The following STK4 variants were observed in gnomAD, a reference collection of about 807,000 sequenced individuals.
The protein encoded by STK4 is serine/threonine-protein kinase 4.
A neutral mutation model predicts 64.9 loss-of-function variants in STK4; 30 were observed. The observed-to-expected ratio is 0.46, with a 90% CI of 0.35 to 0.63. The LOEUF (loss-of-function observed/expected upper bound fraction) is 0.63, where lower values mean the gene tolerates loss of function less well. STK4 is among the 20% of genes least tolerant of loss of function. The pLI is 0.01. For missense variants in STK4, 466 were observed against 598.5 expected, an observed-to-expected ratio of 0.78 and a Z score of 2.31; for synonymous variants, 177 against 199.0, an observed-to-expected ratio of 0.89 and a Z score of 0.93.
At chr20:45,016,802 A>G (rs999078024) in intron 9 of STK4, among the ~76,000 whole-genome samples, 12 of 152,226 alleles carry the variant, frequency 7.9e-5, no homozygotes, top group Non-Finnish European at 1.5e-4. Flanking sequence ...TTTTCAAGAG[A>G]GGGCAGTAGC....
At chr20:45,069,958 A>C (rs1365771663) in intron 10 of STK4, among the ~76,000 whole-genome samples, 1 of 152,214 alleles carries the variant, frequency 6.6e-6, no homozygotes, top group Non-Finnish European at 1.5e-5. Flanking sequence ...CAGTCTTTCT[A>C]GATAAGATGG....
chr20:45,037,874 G>A (rs2068552158), intron 10 of STK4, among the ~76,000 whole-genome samples: 1 of 152,128 alleles, frequency 6.6e-6, no homozygotes, highest in Non-Finnish European at 1.5e-5. Flanking sequence ...TGGGAGGCAA[G>A]AATTATTACT....
intron 1 of STK4, among the ~76,000 whole-genome samples, chr20:44,969,211 G>A (rs2067204386): frequency 6.6e-6 from 1 of 152,186 alleles, no homozygotes; most frequent in South Asian, 2.1e-4. Context: ...ATGAATTGGG[G>A]TAAGCTGGGG....
chr20:45,077,397 CTTTCT>C lies in STK4; in HGVS notation c.*2225_*2229del, dbSNP rs1568780581. On this transcript the variant is annotated 3_prime_UTR_variant, in exon 11 of 11. Coordinates refer to ENST00000372806, the MANE Select transcript of STK4 (RefSeq NM_006282.5). ...AATTAATAGTTCTGTCTCTCTCTCT[CTTTCT>C]TTTTTCTTTTTATTCTTTGAGATGG... 1 of 151,972 alleles carries C rather than the reference CTTTCT, an allele frequency of 6.6e-6. No homozygotes were observed. The highest frequency in any genetic ancestry group is 2.4e-5 in the African/African-American group (1 of 41,390). The allele number at this position is 151,972 out of a possible 1,614,324, so 9.4% of individuals were successfully genotyped here.
At chr20:45,042,369 C>T (rs1234918919) in intron 10 of STK4, among the ~76,000 whole-genome samples, 1 of 152,040 alleles carries the variant, frequency 6.6e-6, no homozygotes, top group African/African-American at 2.4e-5. Context: ...GCAAGTTTTC[C>T]CACTCCATCC....
At chr20:44,972,216 A>G in intron 2 of STK4, 58 bp downstream of exon 2, 1 of 1,452,322 alleles carries the variant, frequency 6.9e-7, no homozygotes, top group Non-Finnish European at 9.6e-7. Context: ...CCTGCCCCAG[A>G]AGAAGCAGAA....
chr20:45,034,804 C>T (rs1387745976), intron 10 of STK4, among the ~76,000 whole-genome samples: 1 of 152,014 alleles, frequency 6.6e-6, no homozygotes, highest in Admixed American at 6.6e-5. Flanking sequence ...ATAATCTCAG[C>T]TACTTGAGAG....
chr20:45,022,060 T>G (rs2068257422), intron 9 of STK4, among the ~76,000 whole-genome samples: 1 of 152,164 alleles, frequency 6.6e-6, no homozygotes, highest in African/African-American at 2.4e-5. Context: ...ACTTTCCATT[T>G]TTTTTTATTG....
intron 10 of STK4, among the ~76,000 whole-genome samples, chr20:45,072,044 T>C (rs1321488114): frequency 6.6e-6 from 1 of 152,184 alleles, no homozygotes; most frequent in East Asian, 1.9e-4. Context: ...GATTCAGGCA[T>C]GAGCTACCAT....
intron 6 of STK4, 91 bp downstream of exon 6, chr20:44,995,348 G>A (rs1200309236): frequency 1.4e-6 from 2 of 1,449,546 alleles, no homozygotes; most frequent in African/African-American, 1.4e-5. Context: ...GCTCACACGT[G>A]TAATCCCAGC....
intron 10 of STK4, among the ~76,000 whole-genome samples, chr20:45,044,310 G>A (rs1228290351): frequency 6.6e-6 from 1 of 152,092 alleles, no homozygotes; most frequent in East Asian, 1.9e-4. Context: ...AGAGCTTGCT[G>A]GCTATGTAAA....
chr20:44,987,455 A>G (rs1601206663), intron 5 of STK4, among the ~76,000 whole-genome samples, 159 bp downstream of exon 5: 1 of 152,156 alleles, frequency 6.6e-6, no homozygotes, highest in Non-Finnish European at 1.5e-5. Flanking sequence ...TTAGTGGGTT[A>G]TTTTAGATCT....
At chr20:45,048,222 T>C (rs1434869901) in intron 10 of STK4, among the ~76,000 whole-genome samples, 1 of 152,208 alleles carries the variant, frequency 6.6e-6, no homozygotes, top group Admixed American at 6.5e-5. Context: ...AACTCTAGGC[T>C]TCTCACCCAA....
intron 7 of STK4, among the ~76,000 whole-genome samples, chr20:44,999,084 G>C (rs949541403): frequency 2.7e-5 from 4 of 146,744 alleles, no homozygotes; most frequent in East Asian, 2.0e-4. Flanking sequence ...AAAAAACAAA[G>C]AAAAGGAAAA....
Position 44,983,735 on chromosome 20 carries a change from T to C in STK4, c.360+1792T>C, listed in dbSNP as rs549327248. Among the ~76,000 whole-genome samples, 9 of 152,314 alleles carry C rather than the reference T, an allele frequency of 5.9e-5. No individual in the cohort carries two copies. The East Asian group carries it at 1.7e-3, about 29-fold the overall frequency. On this transcript the variant is annotated intron_variant, in intron 4 of 10. Coordinates refer to ENST00000372806, the MANE Select transcript of STK4 (RefSeq NM_006282.5). ...GTCTTAATAAGAAAAATAAGAATAA[T>C]AATATCTGTATTCCATATTTGCAAA...
intron 9 of STK4, among the ~76,000 whole-genome samples, chr20:45,020,799 T>C (rs1489103280): frequency 6.7e-6 from 1 of 149,200 alleles, no homozygotes; most frequent in Non-Finnish European, 1.5e-5. Flanking sequence ...ATTTATATTA[T>C]AGTAAAATAT....
chr20:44,976,789 G>A (rs974430738), intron 2 of STK4, among the ~76,000 whole-genome samples: 2 of 152,182 alleles, frequency 1.3e-5, no homozygotes, highest in African/African-American at 2.4e-5. Context: ...TCGAGAAGCC[G>A]TTAATTGGCT....
intron 9 of STK4, among the ~76,000 whole-genome samples, chr20:45,016,154 G>C (rs764131751): frequency 2.0e-5 from 3 of 152,150 alleles, no homozygotes; most frequent in Non-Finnish European, 2.9e-5. Flanking sequence ...GTTTGTGTCT[G>C]TGTGTGTCTG....
At chr20:45,069,987 CA>C (rs1490861845) in intron 10 of STK4, among the ~76,000 whole-genome samples, 1 of 151,648 alleles carries the variant, frequency 6.6e-6, no homozygotes, top group African/African-American at 2.4e-5. Flanking sequence ...GGCTTGCCTG[CA>C]TCCTCTGAGG....
Sources: allele counts gnomAD v4.1 joint callset (sites outside exome capture counted in the v4.1 genomes callset), GRCh38; gene constraint gnomAD v4.1.1; transcripts MANE v1.5; gene names NCBI Gene and HGNC (gene_info 2026-07-23, HGNC 2026-07-21).